The following PRTG variants were observed in gnomAD, a reference collection of about 807,000 sequenced individuals.
The protein encoded by PRTG is immunoglobulin superfamily, DCC subclass, member 5.
PRTG carries 67 observed loss-of-function variants against 122.5 expected under a neutral mutation model. That is an observed-to-expected ratio of 0.55 (90% confidence interval 0.45 to 0.67). The LOEUF is 0.67. Ranked by LOEUF, PRTG falls within the 30% of genes least tolerant of loss-of-function variation. The pLI is 0.00. For missense variants in PRTG, 1,435 were observed against 1,415.4 expected, an observed-to-expected ratio of 1.01 and a Z score of -0.22; for synonymous variants, 554 against 501.1, an observed-to-expected ratio of 1.11 and a Z score of -1.41.
At chr15:55,715,127 G>T (rs2030551898) in intron 2 of PRTG, among the ~76,000 whole-genome samples, 1 of 152,108 alleles carries the variant, frequency 6.6e-6, no homozygotes, top group African/African-American at 2.4e-5. Flanking sequence ...TAAAAGTAAT[G>T]TATCTATTGT....
Position 55,738,020 on chromosome 15 carries a change from A to ATG in PRTG, c.397+2361_397+2362insCA, listed in dbSNP as rs2031480746. 2.5e-5 allele frequency among the ~76,000 whole-genome samples: 3 copies of ATG among 118,218 alleles called. No individual in the cohort carries two copies. The South Asian group carries it at 7.6e-4, about 30-fold the overall frequency. 77.6% of individuals were successfully genotyped at this position (118,218 alleles called of 152,430 possible). ...TCTCTCTCTATATATATATATATAT[A>ATG]TATATACACACACACACACACACAC... On this transcript the variant is annotated intron_variant, in intron 2 of 19. Transcript: ENST00000389286.
At chr15:55,738,254 T>C (rs1197658458) in intron 2 of PRTG, 1 of 383,382 alleles carries the variant, frequency 2.6e-6, no homozygotes, top group Admixed American at 4.5e-5. Context: ...TGATAATTTC[T>C]ATAGAGATGC....
rs765692324 is a variant in PRTG, at chr15:55,653,359, C to T, written c.2042-12151G>A. Among the ~76,000 whole-genome samples, 85 of 152,278 alleles carry T rather than the reference C, an allele frequency of 5.6e-4. 1 individual carries two copies. Among genetic ancestry groups the T allele is most frequent in the Middle Eastern group, 3.4e-3 (1 of 294 alleles). On this transcript the variant is annotated intron_variant, in intron 11 of 19. Transcript: ENST00000389286. ...CACCTCTCACTCCCAGTAAAAACAT[C>T]CCCTCTCCTACTGAGTTTAGAATAA...
At chr15:55,699,826 A>C (rs969509140) in intron 2 of PRTG, among the ~76,000 whole-genome samples, 3 of 152,204 alleles carry the variant, frequency 2.0e-5, no homozygotes, top group Non-Finnish European at 4.4e-5. Flanking sequence ...TTAAGTATTC[A>C]CCAGATATAA....
chr15:55,727,604 T>A (rs1431533161), intron 2 of PRTG, among the ~76,000 whole-genome samples: 1 of 152,150 alleles, frequency 6.6e-6, no homozygotes, highest in Non-Finnish European at 1.5e-5. Context: ...GAGACCAGCC[T>A]AGCTAACATG....
chr15:55,725,982 T>C (rs747672748), intron 2 of PRTG, among the ~76,000 whole-genome samples: 14 of 151,888 alleles, frequency 9.2e-5, no homozygotes, highest in Non-Finnish European at 1.3e-4. Context: ...TCTCACTCTG[T>C]TGCGAGGCTG....
chr15:55,637,466 C>G, intron 14 of PRTG, 126 bp from the exon 15 acceptor site: 1 of 667,100 alleles, frequency 1.5e-6, no homozygotes, highest in Non-Finnish European at 2.3e-6. Flanking sequence ...TCACAGCTTT[C>G]AAAGATCATT....
At chr15:55,728,028 C>A (rs2031097684) in intron 2 of PRTG, among the ~76,000 whole-genome samples, 1 of 152,048 alleles carries the variant, frequency 6.6e-6, no homozygotes, top group Non-Finnish European at 1.5e-5. Context: ...CCATGCCCAG[C>A]TAATTTTTTG....
At chr15:55,647,469 T>C (rs899582034) in intron 11 of PRTG, among the ~76,000 whole-genome samples, 3 of 152,236 alleles carry the variant, frequency 2.0e-5, no homozygotes, top group Non-Finnish European at 4.4e-5. Context: ...ATTCTATCTG[T>C]AGGTATTATT....
chr15:55,731,031 A>G (rs535743271), intron 2 of PRTG, among the ~76,000 whole-genome samples: 41 of 152,318 alleles, frequency 2.7e-4, no homozygotes, highest in African/African-American at 9.4e-4. Context: ...GTTTTAAGGA[A>G]TCTTAAATTT....
At chr15:55,726,410 G>A (rs2031031518) in intron 2 of PRTG, among the ~76,000 whole-genome samples, 1 of 152,106 alleles carries the variant, frequency 6.6e-6, no homozygotes, top group South Asian at 2.1e-4. Flanking sequence ...GACGCAAATA[G>A]ATAGAATGGA....
chr15:55,638,397 T>G, intron 14 of PRTG, 152 bp downstream of exon 14: 1 of 526,980 alleles, frequency 1.9e-6, no homozygotes, highest in Admixed American at 4.0e-5. Context: ...AAAAAGAAAT[T>G]TCAAAAGCCA....
chr15:55,677,316 A>T (rs995994139), intron 8 of PRTG, among the ~76,000 whole-genome samples: 9 of 152,206 alleles, frequency 5.9e-5, no homozygotes, highest in African/African-American at 1.9e-4. Context: ...AACATTCAAA[A>T]TATACAAAAT....
intron 11 of PRTG, among the ~76,000 whole-genome samples, chr15:55,653,735 A>C (rs112025462): frequency 0.012 from 1,885 of 152,278 alleles, 42 homozygotes; most frequent in African/African-American, 0.043. Context: ...AAGTGCTGGG[A>C]TTATAGGCGT....
chr15:55,648,081 A>G (rs991225842), intron 11 of PRTG, among the ~76,000 whole-genome samples: 8 of 152,192 alleles, frequency 5.3e-5, no homozygotes, highest in Non-Finnish European at 8.8e-5. Context: ...TCATCTGCCA[A>G]CAAAGAAATG....
At chr15:55,740,249 G>A (rs2031564913) in intron 2 of PRTG, 133 bp downstream of exon 2, 1 of 777,082 alleles carries the variant, frequency 1.3e-6, no homozygotes, top group African/African-American at 1.8e-5. Flanking sequence ...ATATGCCTCA[G>A]TTAGCATCAA....
chr15:55,742,545 G>C (rs1434406333), intron 1 of PRTG: 9 of 396,166 alleles, frequency 2.3e-5, no homozygotes, highest in African/African-American at 1.7e-4. Context: ...GAAGAGACCA[G>C]AGTGGACAGC....
At chr15:55,684,403 T>C (rs2059558850) in intron 2 of PRTG, among the ~76,000 whole-genome samples, 1 of 152,038 alleles carries the variant, frequency 6.6e-6, no homozygotes, top group South Asian at 2.1e-4. Flanking sequence ...ACAGAACATT[T>C]CAAGTGAAAA....
chr15:55,644,686 T>A (rs1595615513), intron 11 of PRTG, among the ~76,000 whole-genome samples: 1 of 152,020 alleles, frequency 6.6e-6, no homozygotes, highest in Non-Finnish European at 1.5e-5. Context: ...GTGGAAATCA[T>A]CAGGGAGTAA....
Sources: gnomAD v4.1 joint callset for allele counts (sites outside exome capture counted in the v4.1 genomes callset) on GRCh38, gnomAD v4.1.1 for gene constraint, MANE v1.5 for transcripts, NCBI Gene and HGNC (gene_info 2026-07-23, HGNC 2026-07-21) for gene names.